The following SYNDIG1 variants were observed in gnomAD, a reference collection of about 807,000 sequenced individuals.
The protein encoded by SYNDIG1 is synapse differentiation-inducing gene protein 1.
A neutral mutation model predicts 19.4 loss-of-function variants in SYNDIG1; 9 were observed. The ratio of observed to expected loss-of-function variants is 0.46; its 90% CI spans 0.28 to 0.81. The LOEUF (loss-of-function observed/expected upper bound fraction) is 0.81. Ranked by LOEUF, SYNDIG1 falls within the 30% of genes least tolerant of loss-of-function variation. SYNDIG1 has a pLI of 0.12. For missense variants in SYNDIG1, 311 were observed against 343.3 expected (o/e 0.91, Z 0.74); for synonymous variants, 141 against 145.9 (o/e 0.97, Z 0.24).
intron 1 of SYNDIG1, among the ~76,000 whole-genome samples, chr20:24,473,224 C>T (rs1280381926): frequency 3.9e-5 from 6 of 152,288 alleles, no homozygotes; most frequent in African/African-American, 1.4e-4. Flanking sequence ...AAAACAGCCT[C>T]TTGTATCAGT....
At chr20:24,593,532 A>C (rs1281050406) in intron 3 of SYNDIG1, among the ~76,000 whole-genome samples, 1 of 152,186 alleles carries the variant, frequency 6.6e-6, no homozygotes, top group Non-Finnish European at 1.5e-5. Context: ...AGAATGATTT[A>C]TATTCCTTTG....
At chr20:24,555,727 A>G (rs2146832488) in intron 2 of SYNDIG1, among the ~76,000 whole-genome samples, 1 of 152,254 alleles carries the variant, frequency 6.6e-6, no homozygotes, top group African/African-American at 2.4e-5. Flanking sequence ...ACTTCCAAGT[A>G]TGTGGTCAAT....
intron 2 of SYNDIG1, among the ~76,000 whole-genome samples, chr20:24,571,264 C>T (rs1402027482): frequency 1.3e-5 from 2 of 152,144 alleles, no homozygotes; most frequent in African/African-American, 4.8e-5. Flanking sequence ...AAGAATGAGG[C>T]ACAGATACAC....
At chr20:24,646,628 T>A (rs549233750) in intron 3 of SYNDIG1, among the ~76,000 whole-genome samples, 9 of 147,894 alleles carry the variant, frequency 6.1e-5, no homozygotes, top group Admixed American at 6.1e-4. Context: ...TGCTCAGTAT[T>A]TTTTTTTTTT....
intron 3 of SYNDIG1, among the ~76,000 whole-genome samples, chr20:24,608,266 C>G (rs570162117): frequency 1.3e-5 from 2 of 151,902 alleles, no homozygotes; most frequent in Non-Finnish European, 2.9e-5. Flanking sequence ...GCTCACTCCG[C>G]CTCCCGGGTT....
chr20:24,646,916 C>T (rs1238938490), intron 3 of SYNDIG1, among the ~76,000 whole-genome samples: 1 of 152,178 alleles, frequency 6.6e-6, no homozygotes, highest in Non-Finnish European at 1.5e-5. Flanking sequence ...CCACCAAGCC[C>T]GGCTGATGCT....
At chr20:24,539,912 G>A (rs927071948) in intron 1 of SYNDIG1, among the ~76,000 whole-genome samples, 4 of 151,958 alleles carry the variant, frequency 2.6e-5, no homozygotes, top group South Asian at 2.1e-4. Flanking sequence ...ATGAGTAGCT[G>A]GGATTACAGG....
intron 3 of SYNDIG1, among the ~76,000 whole-genome samples, chr20:24,654,757 G>C (rs777742897): frequency 3.3e-4 from 50 of 152,104 alleles, no homozygotes; most frequent in Admixed American, 1.7e-3. Context: ...AGAACACCCA[G>C]GTGGCAGGGG....
intron 3 of SYNDIG1, among the ~76,000 whole-genome samples, chr20:24,626,958 C>T (rs1290179526): frequency 2.6e-5 from 4 of 152,164 alleles, no homozygotes; most frequent in South Asian, 4.1e-4. Flanking sequence ...CGCCTGCAAT[C>T]GCAGGCACTC....
intron 3 of SYNDIG1, among the ~76,000 whole-genome samples, chr20:24,617,288 C>G (rs554553402): frequency 2.6e-5 from 4 of 152,240 alleles, no homozygotes; most frequent in South Asian, 2.1e-4. Flanking sequence ...TCCCTCACCT[C>G]CTAAACTCGG....
intron 1 of SYNDIG1, among the ~76,000 whole-genome samples, chr20:24,513,202 T>C (rs1336420359): frequency 6.6e-6 from 1 of 152,086 alleles, no homozygotes; most frequent in Admixed American, 6.5e-5. Flanking sequence ...AACTGAACAT[T>C]TTAAAAATCG....
intron 1 of SYNDIG1, among the ~76,000 whole-genome samples, chr20:24,480,786 GT>G (rs2146240221): frequency 6.6e-6 from 1 of 152,320 alleles, no homozygotes; most frequent in South Asian, 2.1e-4. Context: ...GTGAAATATA[GT>G]TCAGCCTTGA....
chr20:24,559,977 A>G (rs968022900), intron 2 of SYNDIG1, among the ~76,000 whole-genome samples: 6 of 124,164 alleles, frequency 4.8e-5, no homozygotes, highest in Admixed American at 3.5e-4. Flanking sequence ...GCTTGAATCT[A>G]TAACTTTTTT....
intron 1 of SYNDIG1, among the ~76,000 whole-genome samples, chr20:24,520,471 G>A (rs912802145): frequency 2.6e-5 from 4 of 152,102 alleles, no homozygotes; most frequent in Admixed American, 2.6e-4. Flanking sequence ...TGAGGCAGGC[G>A]GATCACAACC....
intron 1 of SYNDIG1, among the ~76,000 whole-genome samples, chr20:24,530,003 G>GAT (rs1466912751): frequency 0.19 from 166 of 880 alleles, no homozygotes; most frequent in Admixed American, 0.28. Context: ...TGTCAGTGGT[G>GAT]GGGATAATGA....
chr20:24,558,563 A>T (rs2057872853), intron 2 of SYNDIG1, among the ~76,000 whole-genome samples: 1 of 151,976 alleles, frequency 6.6e-6, no homozygotes, highest in Non-Finnish European at 1.5e-5. Context: ...TGCCATTTTG[A>T]TTTTTGTTTT....
intron 3 of SYNDIG1, among the ~76,000 whole-genome samples, chr20:24,613,414 C>T (rs1308182244): frequency 2.6e-5 from 4 of 152,194 alleles, no homozygotes; most frequent in African/African-American, 7.2e-5. Flanking sequence ...TTGGTGCAGT[C>T]TCCTTGCTGG....
At chr20:24,515,389 A>T (rs2056840359) in intron 1 of SYNDIG1, among the ~76,000 whole-genome samples, 1 of 152,234 alleles carries the variant, frequency 6.6e-6, no homozygotes, top group African/African-American at 2.4e-5. Flanking sequence ...GAAAAGAGGA[A>T]GTCAAATTGT....
chr20:24,640,327 AAG>A (rs1375461477), intron 3 of SYNDIG1, among the ~76,000 whole-genome samples: 2 of 148,164 alleles, frequency 1.3e-5, no homozygotes, highest in Admixed American at 7.1e-5. Flanking sequence ...GAAGGAAAGA[AAG>A]AGAGAAAGAG....
Sources: allele counts gnomAD v4.1 joint callset (sites outside exome capture counted in the v4.1 genomes callset), GRCh38; gene constraint gnomAD v4.1.1; transcripts MANE v1.5; gene names NCBI Gene and HGNC (gene_info 2026-07-23, HGNC 2026-07-21).